MORC4: variants seen among roughly 807,000 people sequenced by gnomAD.
MORC4 encodes MORC family CW-type zinc finger 4.
A neutral mutation model predicts 65.5 loss-of-function variants in MORC4; 22 were observed. That is an observed-to-expected ratio of 0.34 (90% CI 0.24 to 0.48). MORC4 has a LOEUF of 0.48. Ranked by LOEUF, MORC4 falls within the 20% of genes least tolerant of loss-of-function variation. The pLI is 0.99. For synonymous variants in MORC4, 267 were observed against 255.8 expected (o/e 1.04, Z -0.42); for missense variants, 624 against 703.0 (o/e 0.89, Z 1.27).
chrX:106,945,139 T>C (rs1464024825), intron 14 of MORC4, among the ~76,000 whole-genome samples: 1 of 111,664 alleles, frequency 9.0e-6, no homozygotes, highest in African/African-American at 3.3e-5. Context: ...CCAATAAACA[T>C]GAGGCAGGTG....
rs58310740 is a variant in MORC4, at chrX:106,941,371, TGAGAGAGAGA to T, written c.*98_*107del. The T allele has an allele frequency of 0.031, 11,637 of 374,605 alleles. 14 individuals carry two copies. The highest frequency in any genetic ancestry group is 0.095 in the South Asian group (1,650 of 17,328). 30.9% of individuals were successfully genotyped at this position (374,605 alleles called of 1,213,427 possible). A position where few individuals can be genotyped will look rare whatever the true frequency, so the allele number is the denominator to read the frequency against. On this transcript the variant is annotated 3_prime_UTR_variant, in exon 17 of 17. Transcript: ENST00000355610. The stretch of plus-strand genomic sequence containing the variant: ...TCTATATAAGGCATAAAGGTGAGGG[TGAGAGAGAGA>T]GAGAGAGAGAGAGAGAGAGAGAGAG...
At chrX:106,977,050 A>G (rs1602497891) in intron 8 of MORC4, among the ~76,000 whole-genome samples, 1 of 111,775 alleles carries the variant, frequency 8.9e-6, no homozygotes, top group East Asian at 2.8e-4. Context: ...CCAAGGTTAT[A>G]TACTACTGTT....
Position 106,954,996 on chromosome X carries a change from A to G in MORC4, c.1602T>C (p.Ser534=), listed in dbSNP as rs775333505. ...TIGYEGIHSP[S]VLPSGGEESR... ...TTTCTTCTCCACCAGAAGGAAGCAC[A>G]CTAGGGCTATGAATTCCCTCATATC... The change falls in exon 14 of 17, where the codon AGT becomes AGC. Residue 534 remains serine, a synonymous_variant. Coordinates refer to ENST00000355610, the MANE Select transcript of MORC4 (RefSeq NM_024657.5). The G allele has an allele frequency of 8.3e-7, 1 of 1,205,457 alleles. No individual in the cohort carries two copies. Among genetic ancestry groups the G allele is most frequent in the African/African-American group, 1.8e-5 (1 of 57,062 alleles).
At chrX:106,993,580 A>C (rs1208255619) in intron 2 of MORC4, among the ~76,000 whole-genome samples, 1 of 112,284 alleles carries the variant, frequency 8.9e-6, no homozygotes, top group African/African-American at 3.2e-5. Context: ...TCCAGATTTC[A>C]TACGAGCGAT....
chrX:106,978,738 C>T (rs928244373), intron 7 of MORC4, among the ~76,000 whole-genome samples: 3 of 111,392 alleles, frequency 2.7e-5, no homozygotes, highest in Non-Finnish European at 5.7e-5. Flanking sequence ...TTGCTAGTTG[C>T]TCAGTTTGCT....
At position 106,941,380 on chromosome X, in the gene MORC4, G is replaced by GAC. The variant is rs1380719498; in HGVS notation, c.*98_*99insGT. ...GGCATAAAGGTGAGGGTGAGAGAGA[G>GAC]AGAGAGAGAGAGAGAGAGAGAGAGA... On this transcript the variant is annotated 3_prime_UTR_variant, in exon 17 of 17. Coordinates refer to ENST00000355610, the MANE Select transcript of MORC4 (RefSeq NM_024657.5). The GAC allele has an allele frequency of 2.9e-6, 1 of 347,644 alleles. No homozygotes were observed. The highest frequency in any genetic ancestry group is 4.2e-6 in the Non-Finnish European group (1 of 236,762). The allele number at this position is 347,644 out of a possible 1,213,427, so 28.6% of individuals were successfully genotyped here. A position where few individuals can be genotyped will look rare whatever the true frequency, so the allele number is the denominator to read the frequency against.
At chrX:106,999,811 G>T in intron 1 of MORC4, 57 bp downstream of exon 1, 1 of 922,048 alleles carries the variant, frequency 1.1e-6, no homozygotes, top group East Asian at 5.1e-5. Context: ...CTCCCCGCGC[G>T]CCCCCCGCAG....
In MORC4 at chrX:106,956,876, T is replaced by C. The variant is rs1934118869; in HGVS notation, c.1454+60A>G. On this transcript the variant is annotated intron_variant, in intron 12 of 16. Transcript: ENST00000355610. Reference sequence around the variant, plus strand: ...CTCTCTTCTCAAAACTCCCGTCCTGTAAGGAAGTGTCAGGCTACTCTACCC... The same window carrying C: ...CTCTCTTCTCAAAACTCCCGTCCTGCAAGGAAGTGTCAGGCTACTCTACCC... 3 of 909,987 alleles carry C rather than the reference T, an allele frequency of 3.3e-6. No homozygotes were observed. The African/African-American group carries it at 6.0e-5, about 18-fold the overall frequency. 75.0% of individuals were successfully genotyped at this position (909,987 alleles called of 1,213,427 possible).
At chrX:106,947,573 A>ATATATATATATATATATAATATATAT (rs1555982147) in intron 14 of MORC4, among the ~76,000 whole-genome samples, 19 of 72,546 alleles carry the variant, frequency 2.6e-4, no homozygotes, top group African/African-American at 1.4e-3. Flanking sequence ...TATATATATT[A>ATATATATATATATATATAATATATAT]TATATATATA....
intron 7 of MORC4, 65 bp downstream of exon 7, chrX:106,980,826 A>C (rs1934724423): frequency 9.2e-7 from 1 of 1,084,761 alleles, no homozygotes; most frequent in Non-Finnish European, 1.3e-6. Flanking sequence ...TTTCTGTGTC[A>C]ACCTGAAAAC....
At chrX:106,971,560 C>T (rs779145790) in intron 9 of MORC4, among the ~76,000 whole-genome samples, 3 of 112,248 alleles carry the variant, frequency 2.7e-5, no homozygotes, top group Non-Finnish European at 5.6e-5. Flanking sequence ...ATTTTGTAAA[C>T]TATCCATCTG....
intron 4 of MORC4, among the ~76,000 whole-genome samples, 183 bp from the exon 5 acceptor site, chrX:106,985,426 C>G (rs1337721615): frequency 9.0e-6 from 1 of 111,517 alleles, no homozygotes; most frequent in Non-Finnish European, 1.9e-5. Context: ...AATCAGTTGC[C>G]CATGCAGAAT....
chrX:106,962,671 T>C (rs1439898975), intron 9 of MORC4, among the ~76,000 whole-genome samples: 1 of 112,193 alleles, frequency 8.9e-6, no homozygotes, highest in Non-Finnish European at 1.9e-5. Flanking sequence ...TCCAACATTC[T>C]ACCACATAGC....
rs768499685 is a variant in MORC4, at chrX:106,985,200, G to GA, written c.569_570insT (p.Ile191HisfsTer10). 6.7e-6 allele frequency: 8 copies of GA among 1,186,081 alleles called. No individual in the cohort carries two copies. In the Admixed American group the frequency reaches 1.8e-4, roughly 27 times the overall value. ...GGTTGAAAATGGAATAGTTCAAGAT[G>GA]GCTTCTAGGCTGGGCAATGAATCCT... On this transcript the variant is annotated frameshift_variant, in exon 5 of 17. Transcript: ENST00000355610. LOFTEE classifies it high-confidence loss of function.
chrX:106,999,595 T>G, intron 2 of MORC4, 82 bp downstream of exon 2: 2 of 788,615 alleles, frequency 2.5e-6, no homozygotes, highest in Non-Finnish European at 3.4e-6. Context: ...CGCGCGGCTC[T>G]GCGCATTCCT....
intron 10 of MORC4, 32 bp downstream of exon 10, chrX:106,961,979 CT>C: frequency 1.9e-6 from 2 of 1,032,480 alleles, no homozygotes; most frequent in South Asian, 1.9e-5. Flanking sequence ...GATATTACCC[CT>C]AATACATTCA....
chrX:106,991,729 C>G (rs1346709275), intron 3 of MORC4, among the ~76,000 whole-genome samples: 1 of 111,292 alleles, frequency 9.0e-6, no homozygotes, highest in Non-Finnish European at 1.9e-5. Flanking sequence ...ATGGCAAAAC[C>G]CTGTCTCTAC....
At chrX:106,960,127 G>C (rs1046457279) in intron 10 of MORC4, among the ~76,000 whole-genome samples, 6 of 112,201 alleles carry the variant, frequency 5.3e-5, no homozygotes, top group Middle Eastern at 4.6e-3. Context: ...CACTGTTTTA[G>C]AGCCAGAGTC....
At chrX:106,991,295 A>T (rs1027791632) in intron 3 of MORC4, among the ~76,000 whole-genome samples, 1 of 112,161 alleles carries the variant, frequency 8.9e-6, no homozygotes, top group African/African-American at 3.2e-5. Flanking sequence ...ATTTAGTTAT[A>T]TTACTAGTCA....
Sources: allele counts gnomAD v4.1 joint callset (sites outside exome capture counted in the v4.1 genomes callset), GRCh38; gene constraint gnomAD v4.1.1; transcripts MANE v1.5; gene names NCBI Gene and HGNC (gene_info 2026-07-23, HGNC 2026-07-21).